The following DHCR24 variants were observed in gnomAD, a reference collection of about 807,000 sequenced individuals.
DHCR24 encodes the protein 24-dehydrocholesterol reductase.
Under a neutral mutation model 61.2 loss-of-function variants are expected in DHCR24, and 28 were observed. That is an observed-to-expected ratio of 0.46 (90% CI 0.34 to 0.63). DHCR24 has a LOEUF of 0.63. DHCR24 is among the 20% of genes least tolerant of loss of function. DHCR24 has a pLI of 0.01. For synonymous variants in DHCR24, 261 were observed against 275.9 expected, an observed-to-expected ratio of 0.95 and a Z score of 0.54; for missense variants, 538 against 679.1, an observed-to-expected ratio of 0.79 and a Z score of 2.31.
At position 54,852,142 on chromosome 1, in the gene DHCR24, G is replaced by C. The variant is rs887035520; in HGVS notation, c.*91C>G. ...GGGAGTTCTGGAGGGGTTTCTCTTT[G>C]AAAGTGTGGATCTAGGAAAGCAGCC... is the stretch of plus-strand genomic sequence containing the variant. On this transcript the variant is annotated 3_prime_UTR_variant, in exon 9 of 9. Coordinates refer to ENST00000371269, the MANE Select transcript of DHCR24 (RefSeq NM_014762.4). 1.3e-5 allele frequency: 20 copies of C among 1,531,478 alleles called. No individual in the cohort carries two copies. Among genetic ancestry groups the C allele is most frequent in the Admixed American group, 1.7e-5 (1 of 57,902 alleles). The allele number at this position is 1,531,478 out of a possible 1,614,324, so 94.9% of individuals were successfully genotyped here. A position where few individuals can be genotyped will look rare whatever the true frequency, so the allele number is the denominator to read the frequency against.
At chr1:54,856,759 A>G (rs1405801428) in intron 6 of DHCR24, among the ~76,000 whole-genome samples, 1 of 152,254 alleles carries the variant, frequency 6.6e-6, no homozygotes. Context: ...TATATGTGTC[A>G]GAAAGATAAA....
intron 2 of DHCR24, among the ~76,000 whole-genome samples, chr1:54,880,192 G>A (rs72903545): frequency 0.098 from 14,936 of 152,252 alleles, 814 homozygotes; most frequent in Admixed American, 0.11. Flanking sequence ...TCTAAAGGAA[G>A]TATTGTGAAC....
intron 4 of DHCR24, among the ~76,000 whole-genome samples, chr1:54,873,438 G>A (rs1166811650): frequency 6.6e-6 from 1 of 152,098 alleles, no homozygotes; most frequent in Non-Finnish European, 1.5e-5. Flanking sequence ...TTATTTTAGA[G>A]TGTACTCTTT....
chr1:54,874,095 C>CA (rs1647013681), intron 4 of DHCR24, among the ~76,000 whole-genome samples: 2 of 152,136 alleles, frequency 1.3e-5, no homozygotes, highest in South Asian at 4.1e-4. Flanking sequence ...AGTGTTATTA[C>CA]AAGAGTCAAA....
At position 54,875,227 on chromosome 1, in the gene DHCR24, A is replaced by T; in HGVS notation, c.494-16T>A. ...ATCAAGCCCCCTGCAGAGACATCAC[A>T]CACAGTGTCAGCAGGGAGAGCTGTG... On this transcript the variant is annotated splice_polypyrimidine_tract_variant and intron_variant, in intron 3 of 8. Transcript: ENST00000371269. 6.2e-7 allele frequency: 1 copy of T among 1,611,462 alleles called. No homozygotes were observed. Among genetic ancestry groups the T allele is most frequent in the African/African-American group, 1.3e-5 (1 of 74,988 alleles).
rs764285376 is a variant in DHCR24 at position 54,875,961 on chromosome 1, C to T, written c.474G>A (p.Glu158=). The change falls in exon 3 of 9, where the codon GAG becomes GAA. Residue 158 remains glutamate (E), a synonymous_variant. Coordinates refer to ENST00000371269, the MANE Select transcript of DHCR24 (RefSeq NM_014762.4). ...CCTCACCCACTGTGAGGTCATCAAG[C>T]TCAGGCAACACGGGGAGAGTCCAGC... ...SIGWTLPVLP[E]LDDLTVGGLI... is the part of the protein sequence containing the mutation. 1.1e-5 allele frequency: 18 copies of T among 1,613,834 alleles called. No individual in the cohort carries two copies. In the African/African-American group the frequency reaches 2.1e-4, roughly 19 times the overall value.
chr1:54,876,148 T>G (rs904867175), intron 2 of DHCR24, 101 bp from the exon 3 acceptor site: 2 of 847,024 alleles, frequency 2.4e-6, no homozygotes, highest in African/African-American at 1.7e-5. Context: ...TCCCAAACAC[T>G]CACTGCAGGG....
chr1:54,878,555 A>T (rs2101575149), intron 2 of DHCR24, among the ~76,000 whole-genome samples: 1 of 149,556 alleles, frequency 6.7e-6, no homozygotes, highest in African/African-American at 2.4e-5. Context: ...ATAATAGGTA[A>T]TAGTACCAGG....
intron 6 of DHCR24, among the ~76,000 whole-genome samples, chr1:54,858,943 C>T (rs551799749): frequency 6.6e-6 from 1 of 152,236 alleles, no homozygotes; most frequent in East Asian, 1.9e-4. Context: ...CCTTCTGTAG[C>T]GGTTTTAACA....
intron 8 of DHCR24, 42 bp downstream of exon 8, chr1:54,853,392 G>C (rs377528891): frequency 1.2e-6 from 2 of 1,612,548 alleles, no homozygotes; most frequent in South Asian, 1.1e-5. Flanking sequence ...GTACCCTGGG[G>C]CTGTCAGCTA....
Position 54,852,113 on chromosome 1 carries a change from G to C in DHCR24, c.*120C>G, listed in dbSNP as rs1319366094. 1.6e-6 allele frequency: 2 copies of C among 1,227,528 alleles called. No homozygotes were observed. The highest frequency in any genetic ancestry group is 2.3e-6 in the Non-Finnish European group (2 of 870,878). The allele number at this position is 1,227,528 out of a possible 1,614,324, so 76.0% of individuals were successfully genotyped here. A position where few individuals can be genotyped will look rare whatever the true frequency, so the allele number is the denominator to read the frequency against. On this transcript the variant is annotated 3_prime_UTR_variant, in exon 9 of 9. Transcript: ENST00000371269. ...GGAGGAAGGTGGTGTTGGGCTGTCA[G>C]GGTGGGAGTTCTGGAGGGGTTTCTC...
intron 8 of DHCR24, 52 bp downstream of exon 8, chr1:54,853,382 G>A: frequency 4.3e-6 from 7 of 1,609,764 alleles, no homozygotes; most frequent in Non-Finnish European, 5.9e-6. Flanking sequence ...CCCTGGAGCA[G>A]TACCCTGGGG....
In DHCR24 at chr1:54,883,643, A is replaced by G. The variant is rs1647076579; in HGVS notation, c.362T>C (p.Ile121Thr). ...CTGTTTCTTGGTGTCCACTTCCAGA[A>G]TGTCCATCAGGTTGATCATGATGTT... ...HKNIMINLMD[I>T]LEVDTKKQIV... The change falls in exon 2 of 9, where the codon ATT becomes ACT. Residue 121 changes from isoleucine to threonine, a missense_variant. Ile to Thr is a moderately conservative substitution (Grantham distance 89). Transcript: ENST00000371269. This position sits in a 1 kb window ranked among gnomAD's most constrained non-coding sequence, Gnocchi z 4.3. 6.2e-7 allele frequency: 1 copy of G among 1,614,200 alleles called. No individual in the cohort carries two copies. The highest frequency in any genetic ancestry group is 8.5e-7 in the Non-Finnish European group (1 of 1,180,036).
intron 2 of DHCR24, among the ~76,000 whole-genome samples, chr1:54,876,984 G>A (rs1346938486): frequency 6.6e-6 from 1 of 151,830 alleles, no homozygotes; most frequent in Non-Finnish European, 1.5e-5. Context: ...GGGACAACTT[G>A]AAGCAGGGAG....
rs993279280 is a variant in DHCR24, at chr1:54,886,776, C to G, written c.231+113G>C. The G allele has an allele frequency of 1.7e-4, 261 of 1,519,888 alleles. 1 individual carries two copies. In the African/African-American group the frequency reaches 3.2e-3, roughly 18 times the overall value. The allele number at this position is 1,519,888 out of a possible 1,614,324, so 94.2% of individuals were successfully genotyped here. ...TCTCCAACGCCAGCTCCCCACCCCC[C>G]CAGGAAGTCCTGGCCGCCCCCGCAC... On this transcript the variant is annotated intron_variant, in intron 1 of 8. Transcript: ENST00000371269.
At chr1:54,857,514 C>T (rs187124069) in intron 6 of DHCR24, among the ~76,000 whole-genome samples, 156 of 152,346 alleles carry the variant, frequency 1.0e-3, no homozygotes, top group African/African-American at 3.6e-3. Flanking sequence ...TCAGTCCTTC[C>T]TTACCGTAAG....
Position 54,865,346 on chromosome 1 carries a change from T to C in DHCR24, c.977A>G (p.His326Arg), listed in dbSNP as rs780714865. Residue 326 changes from histidine (H) to arginine (R), a missense_variant, in exon 6 of 9, where the codon CAC becomes CGC. Physicochemically the swap from His to Arg is conservative, Grantham distance 29. Coordinates refer to ENST00000371269, the MANE Select transcript of DHCR24 (RefSeq NM_014762.4). ...REGLEYIPLRHYYHRHTRSIF... is the reference protein window; with the variant it reads ...REGLEYIPLRRYYHRHTRSIF... ...GCTGCGCGTGTGGCGGTGGTAGTAG[T>C]GTCTCAAGGGAATGTACTCCAGGCC... is the stretch of plus-strand genomic sequence containing the variant. 1.2e-6 allele frequency: 2 copies of C among 1,613,878 alleles called. No homozygotes were observed. Among genetic ancestry groups the C allele is most frequent in the African/African-American group, 1.3e-5 (1 of 74,900 alleles).
chr1:54,880,530 C>G (rs1162351213), intron 2 of DHCR24, among the ~76,000 whole-genome samples: 1 of 152,016 alleles, frequency 6.6e-6, no homozygotes, highest in East Asian at 1.9e-4. Flanking sequence ...TTTGGGAGGC[C>G]AAGGTAGGTG....
Position 54,871,577 on chromosome 1 carries a change from A to G in DHCR24, c.649T>C (p.Ser217Pro), listed in dbSNP as rs1647000277. The change falls in exon 5 of 9, where the codon TCC (serine) becomes CCC (proline). Residue 217 changes from serine to proline, a missense_variant. Physicochemically the swap from Ser to Pro is moderately conservative, Grantham distance 74 (BLOSUM62 -1). Transcript: ENST00000371269. Reference sequence around the variant, plus strand: ...ACCAGGAAACCCAGCGTCCCACAGGACCAGGGTACGGCATAGAACAGGTCT... The same window carrying G: ...ACCAGGAAACCCAGCGTCCCACAGGGCCAGGGTACGGCATAGAACAGGTCT... ...NSDLFYAVPW[S>P]CGTLGFLVAA... is the part of the protein sequence containing the mutation. 7 of 1,614,112 alleles carry G rather than the reference A, an allele frequency of 4.3e-6. No homozygotes were observed. The highest frequency in any genetic ancestry group is 5.9e-6 in the Non-Finnish European group (7 of 1,180,010).
Sources: gnomAD v4.1 joint callset for allele counts (sites outside exome capture counted in the v4.1 genomes callset) on GRCh38, gnomAD v4.1.1 for gene constraint, Gnocchi (gnomAD v3.1) non-coding constraint, MANE v1.5 for transcripts, NCBI Gene and HGNC (gene_info 2026-07-23, HGNC 2026-07-21) for gene names.